AGBL3: variants seen among roughly 807,000 people sequenced by gnomAD.
AGBL3 encodes the protein cytosolic carboxypeptidase 3.
AGBL3 carries 68 observed loss-of-function variants against 94.5 expected under a neutral mutation model. The ratio of observed to expected loss-of-function variants is 0.72; its 90% CI spans 0.59 to 0.88. The LOEUF (loss-of-function observed/expected upper bound fraction) is 0.88. AGBL3 is among the 40% of genes least tolerant of loss of function. The pLI is 0.00. For synonymous variants in AGBL3, 354 were observed against 370.7 expected, an observed-to-expected ratio of 0.95 and a Z score of 0.52; for missense variants, 934 against 1,103.8, an observed-to-expected ratio of 0.85 and a Z score of 2.18.
chr7:135,055,335 A>G (rs1052527602), intron 11 of AGBL3, among the ~76,000 whole-genome samples: 2 of 152,210 alleles, frequency 1.3e-5, no homozygotes, highest in African/African-American at 4.8e-5. Context: ...AAGTGCTATG[A>G]GAAGACATCC....
Position 135,070,210 on chromosome 7 carries a change from C to A in AGBL3, c.1909-6187C>A, listed in dbSNP as rs1288879844. ...AATCTCTGGATAGACCAATAACAGG[C>A]TCTGAAATGGAGGCAATAATTAATA... On this transcript the variant is annotated intron_variant, in intron 12 of 16. Transcript: ENST00000436302. 3.3e-5 allele frequency among the ~76,000 whole-genome samples: 5 copies of A among 152,234 alleles called. No homozygotes were observed. The East Asian group carries it at 5.8e-4, about 18-fold the overall frequency.
intron 11 of AGBL3, among the ~76,000 whole-genome samples, chr7:135,053,701 T>C (rs770226325): frequency 1.2e-4 from 19 of 152,324 alleles, no homozygotes; most frequent in Non-Finnish European, 1.9e-4. Flanking sequence ...AATTCCTGTA[T>C]TGTGACAAAG....
chr7:135,067,998 G>A (rs1584992512), intron 12 of AGBL3, among the ~76,000 whole-genome samples: 1 of 152,148 alleles, frequency 6.6e-6, no homozygotes, highest in East Asian at 1.9e-4. Context: ...AAAAAAATTA[G>A]ACGAATGGCT....
At chr7:135,007,409 C>T (rs1812528836) in intron 4 of AGBL3, among the ~76,000 whole-genome samples, 2 of 151,842 alleles carry the variant, frequency 1.3e-5, no homozygotes, top group Non-Finnish European at 2.9e-5. Context: ...TGTGATAGAA[C>T]ATATCAGTAG....
At chr7:135,029,472 T>C (rs1398944412) in intron 5 of AGBL3, among the ~76,000 whole-genome samples, 2 of 152,222 alleles carry the variant, frequency 1.3e-5, no homozygotes, top group Non-Finnish European at 2.9e-5. Flanking sequence ...CTTCAAACTT[T>C]TCTTCTGCAG....
intron 2 of AGBL3, 68 bp from the exon 3 acceptor site, chr7:134,989,182 G>A: frequency 1.8e-6 from 2 of 1,140,498 alleles, no homozygotes; most frequent in Non-Finnish European, 2.5e-6. Context: ...TAAAATAGAT[G>A]TAAAAAAATT....
At chr7:135,022,224 A>T (rs576165141) in intron 5 of AGBL3, among the ~76,000 whole-genome samples, 1 of 152,282 alleles carries the variant, frequency 6.6e-6, no homozygotes, top group African/African-American at 2.4e-5. Flanking sequence ...CTGGTTCTAG[A>T]TCCTTGAGGA....
chr7:135,000,714 A>G lies in AGBL3; in HGVS notation c.310+7036A>G, dbSNP rs180675292. ...TTCAGTCACAGGGGCATTTTCAACT[A>G]ATGTCCAATAGCAAGTTAGTAATTG... On this transcript the variant is annotated intron_variant, in intron 4 of 16. Transcript: ENST00000436302. 4.6e-5 allele frequency among the ~76,000 whole-genome samples: 7 copies of G among 152,328 alleles called. No individual in the cohort carries two copies. In the East Asian group the frequency reaches 1.3e-3, roughly 29 times the overall value.
At chr7:135,014,031 C>T (rs1358279557) in intron 4 of AGBL3, among the ~76,000 whole-genome samples, 1 of 151,708 alleles carries the variant, frequency 6.6e-6, no homozygotes, top group Non-Finnish European at 1.5e-5. Flanking sequence ...TCCATCTCTA[C>T]TAAAATACAA....
chr7:135,092,077 G>T (rs763498344), intron 15 of AGBL3, among the ~76,000 whole-genome samples: 5 of 152,162 alleles, frequency 3.3e-5, no homozygotes, highest in Non-Finnish European at 5.9e-5. Flanking sequence ...TATTGTCAAT[G>T]GTTCTGTGAC....
rs532582861 is a variant in AGBL3 at position 135,020,373 on chromosome 7, A to C, written c.418+3214A>C. On this transcript the variant is annotated intron_variant, in intron 5 of 16. Coordinates refer to ENST00000436302, the MANE Select transcript of AGBL3 (RefSeq NM_178563.4). ...ACCACAATGAGATACCATCTCACAC[A>C]AGTTAGAATGGCGATCATTAAAAAG... Among the ~76,000 whole-genome samples the C allele has an allele frequency of 2.9e-3, 444 of 152,282 alleles. 2 individuals are homozygous for C. Among genetic ancestry groups the C allele is most frequent in the Middle Eastern group, 0.014 (4 of 294 alleles).
intron 12 of AGBL3, among the ~76,000 whole-genome samples, chr7:135,066,469 T>C (rs1288067737): frequency 6.6e-6 from 1 of 152,208 alleles, no homozygotes; most frequent in Non-Finnish European, 1.5e-5. Context: ...TAAAAAATTG[T>C]GTTTGCAAGG....
chr7:135,039,212 T>A (rs543654564), intron 8 of AGBL3, among the ~76,000 whole-genome samples: 2 of 152,288 alleles, frequency 1.3e-5, no homozygotes, highest in Non-Finnish European at 2.9e-5. Flanking sequence ...CACACAAGTA[T>A]GTTTTTAAGC....
chr7:135,086,928 G>A (rs1385059119), intron 15 of AGBL3, among the ~76,000 whole-genome samples: 1 of 151,902 alleles, frequency 6.6e-6, no homozygotes, highest in Non-Finnish European at 1.5e-5. Flanking sequence ...ACTGGTATTT[G>A]TTCTTCTTTA....
At chr7:135,013,793 T>C (rs1279352950) in intron 4 of AGBL3, among the ~76,000 whole-genome samples, 1 of 152,148 alleles carries the variant, frequency 6.6e-6, no homozygotes. Context: ...ATCCCTCGAA[T>C]CCACTCTACT....
chr7:135,018,501 A>G (rs768444906), intron 5 of AGBL3, among the ~76,000 whole-genome samples: 17 of 152,186 alleles, frequency 1.1e-4, no homozygotes, highest in Non-Finnish European at 2.2e-4. Context: ...ATCCATCTCA[A>G]TCAACCCCAC....
chr7:135,042,476 T>C (rs1816946621), intron 8 of AGBL3, among the ~76,000 whole-genome samples: 1 of 152,174 alleles, frequency 6.6e-6, no homozygotes, highest in South Asian at 2.1e-4. Flanking sequence ...AGCAAATCTA[T>C]AGTGACAGAG....
intron 16 of AGBL3, among the ~76,000 whole-genome samples, chr7:135,126,651 C>T (rs941828551): frequency 6.6e-6 from 1 of 151,940 alleles, no homozygotes; most frequent in Non-Finnish European, 1.5e-5. Context: ...TACTACGAGG[C>T]TACAGTAACC....
At chr7:135,123,079 G>A (rs556838732) in intron 16 of AGBL3, among the ~76,000 whole-genome samples, 17 of 151,314 alleles carry the variant, frequency 1.1e-4, no homozygotes, top group African/African-American at 4.1e-4. Flanking sequence ...TTCAGAAGAT[G>A]AGTAATAAAA....
Sources: gnomAD v4.1 joint callset for allele counts (sites outside exome capture counted in the v4.1 genomes callset) on GRCh38, gnomAD v4.1.1 for gene constraint, MANE v1.5 for transcripts, NCBI Gene and HGNC (gene_info 2026-07-23, HGNC 2026-07-21) for gene names.